Variants in CATSPERE observed in about 807,000 individuals in gnomAD.
CATSPERE encodes catsper channel auxiliary subunit epsilon, also known as cation channel sperm-associated auxiliary subunit epsilon.
Under a neutral mutation model 114.1 loss-of-function variants are expected in CATSPERE, and 93 were observed. That is an observed-to-expected ratio of 0.81 (90% CI 0.69 to 0.97). The LOEUF is 0.97. Among genes scored for constraint, CATSPERE ranks in the 50% least tolerant of loss-of-function variants. CATSPERE has a pLI of 0.00. For synonymous variants in CATSPERE, 341 were observed against 384.1 expected, an observed-to-expected ratio of 0.89 and a Z score of 1.31; for missense variants, 1,058 against 1,131.6, an observed-to-expected ratio of 0.93 and a Z score of 0.93.
intron 9 of CATSPERE, among the ~76,000 whole-genome samples, chr1:244,558,870 C>T (rs1056731307): frequency 6.6e-6 from 1 of 152,166 alleles, no homozygotes; most frequent in African/African-American, 2.4e-5. Flanking sequence ...ACACATGGCT[C>T]AAGGAGAGTT....
At chr1:244,533,021 T>C (rs1679849664) in intron 8 of CATSPERE, among the ~76,000 whole-genome samples, 1 of 152,086 alleles carries the variant, frequency 6.6e-6, no homozygotes, top group African/African-American at 2.4e-5. Context: ...TTGCCTTATA[T>C]GTCTGGGTGC....
chr1:244,497,690 G>A lies in CATSPERE; in HGVS notation c.352-1312G>A, dbSNP rs546259555. Among the ~76,000 whole-genome samples, 6 of 152,278 alleles carry A rather than the reference G, an allele frequency of 3.9e-5. No individual in the cohort carries two copies. The South Asian group carries it at 6.2e-4, about 16-fold the overall frequency. ...TGGGCACCTGTAATCCCAGCTACTC[G>A]GGAAGCTGAGGCAGGAAAATCACTT... On this transcript the variant is annotated intron_variant, in intron 6 of 21. Transcript: ENST00000366534.
chr1:244,593,646 C>CT (rs1668011514), intron 17 of CATSPERE, 68 bp downstream of exon 17: 2 of 1,293,002 alleles, frequency 1.5e-6, no homozygotes, highest in Admixed American at 1.8e-5. Context: ...GAAAACAAGA[C>CT]TAATTGATCA....
At chr1:244,491,543 G>C (rs1672167754) in intron 6 of CATSPERE, among the ~76,000 whole-genome samples, 1 of 152,078 alleles carries the variant, frequency 6.6e-6, no homozygotes, top group African/African-American at 2.4e-5. Context: ...AACTAGAAAA[G>C]CAAGAGCAAA....
intron 9 of CATSPERE, among the ~76,000 whole-genome samples, chr1:244,559,331 T>C (rs935825567): frequency 1.3e-5 from 2 of 152,242 alleles, no homozygotes; most frequent in Non-Finnish European, 2.9e-5. Flanking sequence ...TATCCCAAAT[T>C]GTGTCTTTCT....
At chr1:244,462,784 C>T (rs1454353782) in intron 1 of CATSPERE, among the ~76,000 whole-genome samples, 1 of 152,012 alleles carries the variant, frequency 6.6e-6, no homozygotes, top group Non-Finnish European at 1.5e-5. Flanking sequence ...ATTCAGAGTG[C>T]TATTAAGGCT....
rs752779428 is a variant in CATSPERE, at chr1:244,583,725, C to T, written c.2010-139C>T. 8 of 654,714 alleles carry T rather than the reference C, an allele frequency of 1.2e-5. No homozygotes were observed. The African/African-American group carries it at 1.5e-4, about 12-fold the overall frequency. 40.6% of individuals were successfully genotyped at this position (654,714 alleles called of 1,614,324 possible). A position where few individuals can be genotyped will look rare whatever the true frequency, so the allele number is the denominator to read the frequency against. On this transcript the variant is annotated intron_variant, in intron 12 of 21. Transcript: ENST00000366534. ...AAGCAGAGAGCTGTTACCAGCAGCA[C>T]CATCCTCCAGGCCTCTAGAAATTGG...
At chr1:244,490,696 G>A (rs781046701) in intron 6 of CATSPERE, among the ~76,000 whole-genome samples, 17 of 151,756 alleles carry the variant, frequency 1.1e-4, no homozygotes, top group South Asian at 2.1e-4. Context: ...TACTTCTACC[G>A]AGATAATATT....
At chr1:244,593,936 T>A (rs147907816) in intron 17 of CATSPERE, among the ~76,000 whole-genome samples, 1 of 152,146 alleles carries the variant, frequency 6.6e-6, no homozygotes, top group Non-Finnish European at 1.5e-5. Context: ...CACAAGCCAA[T>A]AATAAATGAA....
At chr1:244,542,051 A>T in intron 8 of CATSPERE, among the ~76,000 whole-genome samples, 1 of 149,438 alleles carries the variant, frequency 6.7e-6, no homozygotes, top group East Asian at 2.0e-4. Flanking sequence ...AGATATACCT[A>T]ATGCTAGGTG....
rs547358338 is a variant in CATSPERE at position 244,573,060 on chromosome 1, G to A, written c.1950+288G>A. 6.6e-6 allele frequency among the ~76,000 whole-genome samples: 1 copy of A among 150,884 alleles called. No homozygotes were observed. Among genetic ancestry groups the A allele is most frequent in the Non-Finnish European group, 1.5e-5 (1 of 67,824 alleles). On this transcript the variant is annotated intron_variant, in intron 11 of 21. Transcript: ENST00000366534. The surrounding 1 kb of genome is among the most constrained non-coding windows in gnomAD (Gnocchi z 4.0). ...TTTTTTAATGCATGGCTTTCCTGTA[G>A]ACTCCTGTTGTCTATTGTAGTATAA... is the stretch of plus-strand genomic sequence containing the variant.
At chr1:244,553,596 A>T (rs1326422339) in intron 9 of CATSPERE, among the ~76,000 whole-genome samples, 1 of 83,364 alleles carries the variant, frequency 1.2e-5, no homozygotes. Flanking sequence ...AAAAAAAAAA[A>T]AAAAATACAC....
At chr1:244,556,763 TTC>T (rs1661642096) in intron 9 of CATSPERE, among the ~76,000 whole-genome samples, 1 of 152,172 alleles carries the variant, frequency 6.6e-6, no homozygotes, top group African/African-American at 2.4e-5. Context: ...TTCCTTTTCT[TTC>T]TCTTTTTTTC....
At chr1:244,614,257 C>T (rs1309970956) in intron 19 of CATSPERE, among the ~76,000 whole-genome samples, 1 of 152,244 alleles carries the variant, frequency 6.6e-6, no homozygotes, top group East Asian at 1.9e-4. Flanking sequence ...GCAGCTGGCA[C>T]CACCCTGCAC....
At chr1:244,542,184 C>A (rs1658928789) in intron 8 of CATSPERE, among the ~76,000 whole-genome samples, 2 of 150,424 alleles carry the variant, frequency 1.3e-5, no homozygotes, top group Non-Finnish European at 3.0e-5. Flanking sequence ...GAGCAGTGTT[C>A]CAACCAAGCC....
intron 6 of CATSPERE, among the ~76,000 whole-genome samples, chr1:244,496,973 G>T (rs991573674): frequency 3.3e-5 from 5 of 152,180 alleles, no homozygotes; most frequent in Non-Finnish European, 7.3e-5. Flanking sequence ...AATCCCTGGG[G>T]AGAAGATGGA....
chr1:244,612,701 G>T (rs1439772357), intron 19 of CATSPERE, among the ~76,000 whole-genome samples: 1 of 152,092 alleles, frequency 6.6e-6, no homozygotes, highest in Non-Finnish European at 1.5e-5. Context: ...TCCCCTTGTT[G>T]CCCAGGCTGG....
intron 2 of CATSPERE, among the ~76,000 whole-genome samples, chr1:244,468,088 GT>G (rs537042738): frequency 3.2e-3 from 459 of 141,794 alleles, no homozygotes; most frequent in Middle Eastern, 0.015. Context: ...CCATTTTATT[GT>G]TTTTTTTTTT....
At chr1:244,597,534 C>CTTTTT (rs34454607) in intron 17 of CATSPERE, among the ~76,000 whole-genome samples, 1 of 128,214 alleles carries the variant, frequency 7.8e-6, no homozygotes, top group African/African-American at 3.0e-5. Context: ...TCCCTGATTT[C>CTTTTT]TTTTTTTTTT....
Sources: gnomAD v4.1 joint callset for allele counts (sites outside exome capture counted in the v4.1 genomes callset) on GRCh38, gnomAD v4.1.1 for gene constraint, Gnocchi (gnomAD v3.1) non-coding constraint, MANE v1.5 for transcripts, NCBI Gene and HGNC (gene_info 2026-07-23, HGNC 2026-07-21) for gene names.